Variants in EDNRB observed in about 807,000 individuals in gnomAD.
EDNRB encodes the protein Hirschsprung disease 2.
Under a neutral mutation model 46.4 loss-of-function variants are expected in EDNRB, and 18 were observed. The observed-to-expected ratio is 0.39, with a 90% CI of 0.27 to 0.57. EDNRB has a LOEUF of 0.57. Among genes scored for constraint, EDNRB ranks in the 20% least tolerant of loss-of-function variants. The probability of loss-of-function intolerance (pLI) is 0.61; values close to 1 mark genes in which losing one functional copy is unlikely to be tolerated. For synonymous variants in EDNRB, 213 were observed against 204.9 expected (o/e 1.04, Z -0.34); for missense variants, 434 against 537.5 (o/e 0.81, Z 1.90).
intron 1 of EDNRB, among the ~76,000 whole-genome samples, chr13:77,965,981 A>G (rs1378651395): frequency 6.6e-6 from 1 of 152,092 alleles, no homozygotes; most frequent in Non-Finnish European, 1.5e-5. Context: ...GTCTCAAGCA[A>G]TCCTTCCACC....
intron 1 of EDNRB, among the ~76,000 whole-genome samples, chr13:77,952,652 A>C (rs1446972611): frequency 6.6e-6 from 1 of 152,216 alleles, no homozygotes; most frequent in Non-Finnish European, 1.5e-5. Context: ...ACTGTGGCTG[A>C]AGAAAAAATT....
intron 1 of EDNRB, among the ~76,000 whole-genome samples, chr13:77,966,057 T>G (rs1443019897): frequency 6.6e-6 from 1 of 151,998 alleles, no homozygotes; most frequent in African/African-American, 2.4e-5. Context: ...TGATTTTGAT[T>G]TTTTTATTTT....
chr13:77,954,184 C>G (rs868731336), intron 1 of EDNRB, among the ~76,000 whole-genome samples: 4 of 152,166 alleles, frequency 2.6e-5, no homozygotes, highest in African/African-American at 9.6e-5. Context: ...GTACATAAGA[C>G]CTTTTGTTAG....
exon 1 of EDNRB, chr13:77,975,364 G>A (rs567225046): frequency 6.6e-6 from 1 of 152,492 alleles, no homozygotes; most frequent in East Asian, 1.9e-4. Context: ...CAGATGTCCA[G>A]ACTCCAAGTA....
upstream of EDNRB, chr13:77,919,469 G>A: frequency 6.2e-7 from 1 of 1,612,832 alleles, no homozygotes; most frequent in Non-Finnish European, 8.5e-7. Context: ...ACCCAGCTGG[G>A]TTCCAGCCTG....
At chr13:77,917,067 C>G (rs1479534305) in intron 1 of EDNRB, among the ~76,000 whole-genome samples, 1 of 152,072 alleles carries the variant, frequency 6.6e-6, no homozygotes, top group African/African-American at 2.4e-5. Context: ...CTACTGACGC[C>G]CATGGTAATC....
At chr13:77,944,203 A>T (rs1490688697) in intron 1 of EDNRB, among the ~76,000 whole-genome samples, 3 of 152,184 alleles carry the variant, frequency 2.0e-5, no homozygotes, top group Non-Finnish European at 4.4e-5. Flanking sequence ...AAGATGGCCA[A>T]TGAGGCTCAG....
chr13:77,967,889 G>A (rs1047323245), intron 1 of EDNRB, among the ~76,000 whole-genome samples: 6 of 152,092 alleles, frequency 3.9e-5, no homozygotes, highest in Non-Finnish European at 8.8e-5. Context: ...CTGCATCTCT[G>A]CCTTGCCTCT....
At chr13:77,929,288 T>C (rs7328067) in intron 1 of EDNRB, among the ~76,000 whole-genome samples, 84,211 of 151,632 alleles carry the variant, frequency 0.56, 24,115 homozygotes, top group Middle Eastern at 0.67. Flanking sequence ...CAAACAGTCA[T>C]CTATAGGACA....
rs886050323 is a variant in EDNRB, at chr13:77,896,940, C to T, written c.*1260G>A. The T allele has an allele frequency of 1.0e-6, 1 of 993,208 alleles. No homozygotes were observed. Among genetic ancestry groups the T allele is most frequent in the Non-Finnish European group, 1.2e-6 (1 of 835,286 alleles). The allele number at this position is 993,208 out of a possible 1,614,324, so 61.5% of individuals were successfully genotyped here. A position where few individuals can be genotyped will look rare whatever the true frequency, so the allele number is the denominator to read the frequency against. ...TTTGCCTCTAGATGAAAGAAAAGCACCATGTCAAGCAAACTTTTCTATTGG... is the reference window on the plus strand; with the variant it reads ...TTTGCCTCTAGATGAAAGAAAAGCATCATGTCAAGCAAACTTTTCTATTGG... On this transcript the variant is annotated 3_prime_UTR_variant, in exon 7 of 7. Coordinates refer to ENST00000646607, the MANE Select transcript of EDNRB (RefSeq NM_001122659.3).
chr13:77,934,309 C>A (rs968083417), intron 1 of EDNRB, among the ~76,000 whole-genome samples: 3 of 152,264 alleles, frequency 2.0e-5, no homozygotes, highest in African/African-American at 7.2e-5. Flanking sequence ...GGTGGCTGAA[C>A]TTGGTGAAGT....
Position 77,897,724 on chromosome 13 carries a change from T to C in EDNRB, c.*476A>G. 1.0e-6 allele frequency: 1 copy of C among 987,646 alleles called. No homozygotes were observed. Among genetic ancestry groups the C allele is most frequent in the Non-Finnish European group, 1.2e-6 (1 of 829,982 alleles). 61.2% of individuals were successfully genotyped at this position (987,646 alleles called of 1,614,324 possible). ...TAATTACAATCTGATAATAGTGTGATAATATTAATTGAAAAGTTGTTTTAA... is the reference window on the plus strand; with the variant it reads ...TAATTACAATCTGATAATAGTGTGACAATATTAATTGAAAAGTTGTTTTAA... On this transcript the variant is annotated 3_prime_UTR_variant, in exon 7 of 7. Coordinates refer to ENST00000646607, the MANE Select transcript of EDNRB (RefSeq NM_001122659.3).
At position 77,913,771 on chromosome 13, in the gene EDNRB, A is replaced by T. The variant is rs975364473; in HGVS notation, c.483+4320T>A. ...AAACACATTGATAGCATCCCCAAGTATACCCGGCTGTCTTGCTTTTTATCC... is the reference window on the plus strand; with the variant it reads ...AAACACATTGATAGCATCCCCAAGTTTACCCGGCTGTCTTGCTTTTTATCC... On this transcript the variant is annotated intron_variant, in intron 1 of 6. Transcript: ENST00000646607. 3.9e-5 allele frequency among the ~76,000 whole-genome samples: 6 copies of T among 152,318 alleles called. No homozygotes were observed. In the South Asian group the frequency reaches 1.2e-3, roughly 32 times the overall value.
intron 1 of EDNRB, among the ~76,000 whole-genome samples, chr13:77,953,919 A>G (rs1407883085): frequency 6.6e-6 from 1 of 152,188 alleles, no homozygotes; most frequent in East Asian, 1.9e-4. Flanking sequence ...TATATGGCCA[A>G]TCTTTCTAAC....
intron 1 of EDNRB, among the ~76,000 whole-genome samples, chr13:77,908,990 T>C (rs758873546): frequency 2.3e-4 from 35 of 152,138 alleles, no homozygotes; most frequent in Middle Eastern, 3.4e-3. Context: ...TTGTTAGTGT[T>C]AAGTCCTGCT....
Position 77,896,643 on chromosome 13 carries a change from C to T in EDNRB, c.*1557G>A. The T allele has an allele frequency of 2.6e-6, 4 of 1,514,448 alleles. No homozygotes were observed. Among genetic ancestry groups the T allele is most frequent in the Non-Finnish European group, 3.5e-6 (4 of 1,133,520 alleles). 93.8% of individuals were successfully genotyped at this position (1,514,448 alleles called of 1,614,324 possible). On this transcript the variant is annotated 3_prime_UTR_variant, in exon 7 of 7. Transcript: ENST00000646607. Reference sequence around the variant, plus strand: ...TGGGCCCAATTTATTTCGAAAGTCACTCTGAGAACATTGCACTGTGTTTTG... The same window carrying T: ...TGGGCCCAATTTATTTCGAAAGTCATTCTGAGAACATTGCACTGTGTTTTG...
chr13:77,937,654 C>T (rs931062633), intron 1 of EDNRB, among the ~76,000 whole-genome samples: 12 of 152,066 alleles, frequency 7.9e-5, no homozygotes, highest in African/African-American at 2.2e-4. Flanking sequence ...AGTCGTGGGA[C>T]TAAACTGTAA....
At chr13:77,901,684 A>G (rs1446256524) in intron 3 of EDNRB, among the ~76,000 whole-genome samples, 1 of 151,984 alleles carries the variant, frequency 6.6e-6, no homozygotes, top group Admixed American at 6.6e-5. Flanking sequence ...CTAACCTCGC[A>G]AAAAGACAAA....
intron 1 of EDNRB, among the ~76,000 whole-genome samples, chr13:77,929,148 T>G (rs1229197027): frequency 6.6e-6 from 1 of 152,184 alleles, no homozygotes; most frequent in Non-Finnish European, 1.5e-5. Context: ...ACAGAAATAA[T>G]CACTCAAAGG....
Sources: allele counts gnomAD v4.1 joint callset (sites outside exome capture counted in the v4.1 genomes callset), GRCh38; gene constraint gnomAD v4.1.1; transcripts MANE v1.5; gene names NCBI Gene and HGNC (gene_info 2026-07-23, HGNC 2026-07-21).